The following AFAP1L2 variants were observed in gnomAD, a reference collection of about 807,000 sequenced individuals.
AFAP1L2 encodes actin filament associated protein 1 like 2, also known as actin filament-associated protein 1-like 2.
A neutral mutation model predicts 99.3 loss-of-function variants in AFAP1L2; 46 were observed. The ratio of observed to expected loss-of-function variants is 0.46; its 90% CI spans 0.37 to 0.59. The LOEUF is 0.59. AFAP1L2 is among the 20% of genes least tolerant of loss of function. The probability of loss-of-function intolerance (pLI) is 0.00; values close to 1 mark genes in which losing one functional copy is unlikely to be tolerated. For synonymous variants in AFAP1L2, 397 were observed against 419.1 expected (o/e 0.95, Z 0.64); for missense variants, 959 against 1,034.9 (o/e 0.93, Z 1.01).
chr10:114,341,585 C>T (rs1157609542), intron 1 of AFAP1L2, among the ~76,000 whole-genome samples: 2 of 150,916 alleles, frequency 1.3e-5, no homozygotes, highest in African/African-American at 2.4e-5. Context: ...TTCACTCCAG[C>T]CTGGTGACAG....
In AFAP1L2 at chr10:114,302,366, A is replaced by G; in HGVS notation, c.1403T>C (p.Ile468Thr). The change falls in exon 12 of 19, where the codon ATT becomes ACT. Residue 468 changes from isoleucine (I) to threonine (T), a missense_variant. By Grantham distance (89) the Ile-to-Thr change is moderately conservative (BLOSUM62 -1). Coordinates refer to ENST00000304129, the MANE Select transcript of AFAP1L2 (RefSeq NM_001001936.3). Reference sequence around the variant, plus strand: ...GAGAGAGTTTTTGGCCGCACTCACAATACAGGAGACCCTATCGGCATCCAC... The same window carrying G: ...GAGAGAGTTTTTGGCCGCACTCACAGTACAGGAGACCCTATCGGCATCCAC... ...DYVDADRVSC[I>T]VSAAKNSLLL... The G allele has an allele frequency of 6.2e-7, 1 of 1,614,136 alleles. No homozygotes were observed.
At chr10:114,393,520 G>T (rs2057366648) in intron 1 of AFAP1L2, 1 of 152,166 alleles carries the variant, frequency 6.6e-6, no homozygotes, top group African/African-American at 2.4e-5. Flanking sequence ...CATGCTAAGG[G>T]CTTCATTCAT....
chr10:114,374,206 C>T (rs1394565140), intron 1 of AFAP1L2, among the ~76,000 whole-genome samples: 8 of 152,142 alleles, frequency 5.3e-5, no homozygotes, highest in Non-Finnish European at 1.2e-4. Flanking sequence ...ATCTCCCAGG[C>T]AACGCGACCC....
intron 5 of AFAP1L2, among the ~76,000 whole-genome samples, chr10:114,321,203 T>C (rs1023263989): frequency 6.6e-6 from 1 of 152,184 alleles, no homozygotes; most frequent in African/African-American, 2.4e-5. Flanking sequence ...TAGTGCACTG[T>C]CATTCGAGTG....
At chr10:114,305,865 TGCAGGAGGGGGCGCAGGG>T (rs1414330059) in intron 10 of AFAP1L2, among the ~76,000 whole-genome samples, 1 of 88,868 alleles carries the variant, frequency 1.1e-5, no homozygotes, top group Non-Finnish European at 2.2e-5. Context: ...GGGACGCGGG[TGCAGGAGGGGGCGCAGGG>T]GCAGGAGGGG....
chr10:114,368,607 G>A (rs1416349283), intron 1 of AFAP1L2, among the ~76,000 whole-genome samples: 1 of 152,014 alleles, frequency 6.6e-6, no homozygotes, highest in Non-Finnish European at 1.5e-5. Flanking sequence ...TAGAGATGGG[G>A]TTTTGCCATG....
At chr10:114,282,017 C>CTTTTTTTTTTT in the AFAP1L2 span, among the ~76,000 whole-genome samples, 25 of 119,694 alleles carry the variant, frequency 2.1e-4, 3 homozygotes, top group East Asian at 8.0e-4. Context: ...CTTATGTTAC[C>CTTTTTTTTTTT]TTTTTTTTTT....
chr10:114,281,436 G>A, the AFAP1L2 span, among the ~76,000 whole-genome samples: 1 of 152,200 alleles, frequency 6.6e-6, no homozygotes, highest in Admixed American at 6.5e-5. Flanking sequence ...GTAATTATGT[G>A]ACCTCAGGGG....
At chr10:114,361,656 T>C (rs1472033502) in intron 1 of AFAP1L2, among the ~76,000 whole-genome samples, 1 of 152,184 alleles carries the variant, frequency 6.6e-6, no homozygotes, top group Non-Finnish European at 1.5e-5. Context: ...TCACATCCTA[T>C]AGTGGAGCCC....
At chr10:114,341,840 G>T (rs553603112) in intron 1 of AFAP1L2, among the ~76,000 whole-genome samples, 1 of 152,196 alleles carries the variant, frequency 6.6e-6, no homozygotes, top group South Asian at 2.1e-4. Context: ...GTAGTTATCC[G>T]TATAGATCTG....
At chr10:114,329,567 C>T (rs1437386827) in intron 4 of AFAP1L2, among the ~76,000 whole-genome samples, 2 of 152,136 alleles carry the variant, frequency 1.3e-5, no homozygotes, top group Non-Finnish European at 2.9e-5. Flanking sequence ...AAGTTCCAGC[C>T]GTGGCTCAGA....
chr10:114,293,228 A>C (rs2039761376), downstream of AFAP1L2, among the ~76,000 whole-genome samples: 1 of 152,252 alleles, frequency 6.6e-6, no homozygotes, highest in Non-Finnish European at 1.5e-5. Context: ...TGCCCTTCAC[A>C]GAAGACAACG....
chr10:114,315,454 A>T, intron 6 of AFAP1L2, 106 bp downstream of exon 6: 1 of 1,160,154 alleles, frequency 8.6e-7, no homozygotes. Flanking sequence ...GACATAAACA[A>T]GCTCGAAACC....
the AFAP1L2 span, among the ~76,000 whole-genome samples, chr10:114,287,005 G>T: frequency 6.6e-6 from 1 of 152,240 alleles, no homozygotes; most frequent in African/African-American, 2.4e-5. Context: ...TGAAACAAAC[G>T]CTTCCTGAGA....
At chr10:114,286,132 G>A in the AFAP1L2 span, 2 of 1,614,114 alleles carry the variant, frequency 1.2e-6, no homozygotes, top group Non-Finnish European at 1.7e-6. Context: ...CGGTGCCTGT[G>A]GGGGAGTACC....
At chr10:114,315,870 A>T in intron 5 of AFAP1L2, 105 bp from the exon 6 acceptor site, 1 of 1,113,496 alleles carries the variant, frequency 9.0e-7, no homozygotes, top group Non-Finnish European at 1.3e-6. Context: ...GCCAGACCAC[A>T]GCCCCCGACT....
chr10:114,384,061 C>T (rs2056129720), intron 1 of AFAP1L2, among the ~76,000 whole-genome samples: 1 of 152,192 alleles, frequency 6.6e-6, no homozygotes, highest in East Asian at 1.9e-4. Flanking sequence ...ACAACATGGT[C>T]TGCCCTAAAA....
intron 1 of AFAP1L2, among the ~76,000 whole-genome samples, chr10:114,355,762 A>G (rs928467803): frequency 8.5e-5 from 13 of 152,150 alleles, no homozygotes; most frequent in Non-Finnish European, 5.9e-5. Context: ...ACTTGAGCCC[A>G]GGAGCTTGAG....
intron 1 of AFAP1L2, among the ~76,000 whole-genome samples, chr10:114,383,510 C>T (rs1421710320): frequency 2.0e-5 from 3 of 152,128 alleles, no homozygotes; most frequent in African/African-American, 7.2e-5. Context: ...TAGGGATTTT[C>T]ATATTCTATG....
Sources: allele counts gnomAD v4.1 joint callset (sites outside exome capture counted in the v4.1 genomes callset), GRCh38; gene constraint gnomAD v4.1.1; transcripts MANE v1.5; gene names NCBI Gene and HGNC (gene_info 2026-07-23, HGNC 2026-07-21).